Variants in TRIO observed in about 807,000 individuals in gnomAD.
The protein encoded by TRIO is triple functional domain protein.
TRIO carries 58 observed loss-of-function variants against 351.9 expected under a neutral mutation model. That is an observed-to-expected ratio of 0.16 (90% CI 0.13 to 0.21). TRIO has a LOEUF of 0.21. Among genes scored for constraint, TRIO ranks in the 10% least tolerant of loss-of-function variants. The pLI, the probability that TRIO is intolerant of heterozygous loss-of-function variation, is 1.00. For missense variants in TRIO, 3,201 were observed against 4,027.8 expected (o/e 0.79, Z 5.56); for synonymous variants, 1,758 against 1,595.7 (o/e 1.10, Z -2.42).
At position 14,485,143 on chromosome 5, in the gene TRIO, C is replaced by T. The variant is rs759216787; in HGVS notation, c.6732C>T (p.Asp2244=). The part of the protein sequence containing the change: ...CKFALTSRTG[D]VVETFILHSS... ...TTGCTCTGACATCGAGGACGGGTGA[C>T]GTGGTAGAGACCTTCATTTTGCATT... Residue 2244 remains aspartate, a synonymous_variant, in exon 47 of 57, where the codon GAC becomes GAT. Transcript: ENST00000344204. 16 of 1,592,160 alleles carry T rather than the reference C, an allele frequency of 1.0e-5. No homozygotes were observed. The East Asian group carries it at 1.8e-4, about 18-fold the overall frequency.
chr5:14,349,171 ATG>A (rs954801645), intron 11 of TRIO, among the ~76,000 whole-genome samples: 36 of 141,948 alleles, frequency 2.5e-4, no homozygotes, highest in South Asian at 4.5e-4. Flanking sequence ...GCACGTGAGC[ATG>A]TGTGTTTTTC....
chr5:14,509,702 G>T lies in TRIO; in HGVS notation c.*1280G>T. On this transcript the variant is annotated 3_prime_UTR_variant, in exon 57 of 57. Transcript: ENST00000344204. Reference sequence around the variant, plus strand: ...GCCGATTAAGCACTGGCCGCCCCGCGGCTGGTACCCAATGCCCGAGTCACT... The same window carrying T: ...GCCGATTAAGCACTGGCCGCCCCGCTGCTGGTACCCAATGCCCGAGTCACT... 3.1e-6 allele frequency: 1 copy of T among 322,078 alleles called. No individual in the cohort carries two copies. Among genetic ancestry groups the T allele is most frequent in the South Asian group, 2.4e-5 (1 of 41,392 alleles). 20.0% of individuals were successfully genotyped at this position (322,078 alleles called of 1,614,324 possible).
At chr5:14,413,637 CTG>C (rs1749387327) in intron 33 of TRIO, among the ~76,000 whole-genome samples, 2 of 152,178 alleles carry the variant, frequency 1.3e-5, no homozygotes, top group African/African-American at 4.8e-5. Flanking sequence ...AAACCACAAA[CTG>C]AATGTCATCT....
chr5:14,183,228 C>G (rs868777300), intron 1 of TRIO, among the ~76,000 whole-genome samples: 6 of 152,260 alleles, frequency 3.9e-5, no homozygotes, highest in Non-Finnish European at 5.9e-5. Context: ...CCTTGCTCCC[C>G]TCCGTTGAAA....
chr5:14,404,640 C>T (rs1748545853), intron 31 of TRIO, among the ~76,000 whole-genome samples: 1 of 152,052 alleles, frequency 6.6e-6, no homozygotes, highest in African/African-American at 2.4e-5. Context: ...CCCTTACTTT[C>T]CCCCCGCTTT....
chr5:14,415,552 G>C (rs557109038), intron 33 of TRIO, among the ~76,000 whole-genome samples: 1 of 152,164 alleles, frequency 6.6e-6, no homozygotes, highest in Admixed American at 6.5e-5. Context: ...AACTGCGTTC[G>C]TGCAAGACAG....
chr5:14,229,277 A>G (rs1376865155), intron 1 of TRIO, among the ~76,000 whole-genome samples: 1 of 152,152 alleles, frequency 6.6e-6, no homozygotes, highest in East Asian at 1.9e-4. Flanking sequence ...TCAGCTACTG[A>G]GCTCTGCAGT....
chr5:14,420,248 G>A (rs551068893), intron 34 of TRIO: 1,117 of 608,436 alleles, frequency 1.8e-3, no homozygotes, highest in Non-Finnish European at 2.6e-3. Flanking sequence ...CACTTCCAGG[G>A]CGGTGTAGTG....
At chr5:14,304,378 A>G in intron 7 of TRIO, 83 bp from the exon 8 acceptor site, 2 of 1,437,990 alleles carry the variant, frequency 1.4e-6, no homozygotes, top group Non-Finnish European at 1.9e-6. Context: ...CAAGTCCCCT[A>G]ATTTTCAAAA....
chr5:14,336,768 G>C (rs1741453889), intron 11 of TRIO, 41 bp downstream of exon 11: 2 of 1,607,170 alleles, frequency 1.2e-6, no homozygotes, highest in South Asian at 1.1e-5. Context: ...GTGCTTGAAA[G>C]GGTCTTTGAA....
intron 54 of TRIO, among the ~76,000 whole-genome samples, chr5:14,503,458 C>T (rs890388277): frequency 6.6e-6 from 1 of 152,222 alleles, no homozygotes; most frequent in African/African-American, 2.4e-5. Flanking sequence ...CAGATGGGAC[C>T]ATTATTCTGT....
Position 14,368,852 on chromosome 5 carries a change from C to T in TRIO, c.3019C>T (p.Leu1007Phe). The change falls in exon 17 of 57, where the codon CTC becomes TTC. Residue 1007 changes from leucine to phenylalanine, a missense_variant. Around this residue, in one of 19 missense-constraint regions of TRIO, gnomAD observed 363 missense variants for 553.5 expected, o/e 0.66. Coordinates refer to ENST00000344204, the MANE Select transcript of TRIO (RefSeq NM_007118.4). ...GCTCATGCTCAAGATGGAAGATCGC[C>T]TCAAGCTCGTCAACGCCTCTGTCGC... Reference protein sequence around the residue: ...QQLMLKMEDRLKLVNASVAFY... With the variant: ...QQLMLKMEDRFKLVNASVAFY... The T allele has an allele frequency of 6.2e-7, 1 of 1,614,164 alleles. No homozygotes were observed. Among genetic ancestry groups the T allele is most frequent in the Non-Finnish European group, 8.5e-7 (1 of 1,180,040 alleles).
chr5:14,233,974 T>G (rs547018143), intron 1 of TRIO, among the ~76,000 whole-genome samples: 57 of 152,044 alleles, frequency 3.7e-4, no homozygotes, highest in Admixed American at 1.9e-3. Flanking sequence ...TTTTTGTATG[T>G]GTGTGTGGAG....
chr5:14,234,150 T>A (rs1345962515), intron 1 of TRIO, among the ~76,000 whole-genome samples: 2 of 152,208 alleles, frequency 1.3e-5, no homozygotes, highest in Non-Finnish European at 2.9e-5. Flanking sequence ...TTCTTGTCAT[T>A]ATTATTGCCA....
chr5:14,441,574 A>G (rs993492932), intron 34 of TRIO, among the ~76,000 whole-genome samples: 6 of 152,196 alleles, frequency 3.9e-5, no homozygotes, highest in Non-Finnish European at 8.8e-5. Context: ...GCAACTGGGA[A>G]CAGAGCACTG....
chr5:14,340,410 A>AAG (rs1741841419), intron 11 of TRIO, among the ~76,000 whole-genome samples: 1 of 151,792 alleles, frequency 6.6e-6, no homozygotes, highest in African/African-American at 2.4e-5. Context: ...AAAAAAAAAA[A>AAG]AAAAGAAAAA....
chr5:14,448,053 G>A (rs1020840731), intron 34 of TRIO, among the ~76,000 whole-genome samples: 7 of 152,194 alleles, frequency 4.6e-5, no homozygotes, highest in Non-Finnish European at 8.8e-5. Flanking sequence ...TTTATAACAG[G>A]GAGAACTTCG....
intron 1 of TRIO, among the ~76,000 whole-genome samples, chr5:14,231,202 C>T (rs989340453): frequency 1.3e-5 from 2 of 152,208 alleles, no homozygotes; most frequent in African/African-American, 4.8e-5. Context: ...AATAATGGCA[C>T]CTACCACATC....
At chr5:14,349,140 TGC>T (rs1471348968) in intron 11 of TRIO, among the ~76,000 whole-genome samples, 1 of 150,272 alleles carries the variant, frequency 6.7e-6, no homozygotes, top group Non-Finnish European at 1.5e-5. Flanking sequence ...ATGTTTTTCC[TGC>T]GTGTTTGTGG....
Sources: gnomAD v4.1 joint callset for allele counts (sites outside exome capture counted in the v4.1 genomes callset) on GRCh38, gnomAD v4.1.1 for gene constraint, gnomAD v4.1.1 regional missense constraint, MANE v1.5 for transcripts, NCBI Gene and HGNC (gene_info 2026-07-23, HGNC 2026-07-21) for gene names.